The following PKP4 variants were observed in gnomAD, a reference collection of about 807,000 sequenced individuals.
PKP4 encodes the protein plakophilin 4.
A neutral mutation model predicts 145.1 loss-of-function variants in PKP4; 90 were observed. The observed-to-expected ratio is 0.62, with a 90% CI of 0.52 to 0.74. The LOEUF (loss-of-function observed/expected upper bound fraction) is 0.74. PKP4 is among the 30% of genes least tolerant of loss of function. The pLI is 0.00. For synonymous variants in PKP4, 563 were observed against 577.2 expected (o/e 0.98, Z 0.35); for missense variants, 1,340 against 1,482.7 (o/e 0.90, Z 1.58).
At chr2:158,481,570 T>A (rs1373987951) in intron 1 of PKP4, among the ~76,000 whole-genome samples, 1 of 152,240 alleles carries the variant, frequency 6.6e-6, no homozygotes, top group African/African-American at 2.4e-5. Flanking sequence ...CTGTCTTCAA[T>A]TATAGCTTTC....
At chr2:158,626,828 T>A (rs1313633357) in intron 7 of PKP4, among the ~76,000 whole-genome samples, 1 of 152,218 alleles carries the variant, frequency 6.6e-6, no homozygotes, top group African/African-American at 2.4e-5. Flanking sequence ...AGTTCTTTTG[T>A]CTATTTTTAT....
chr2:158,469,985 T>C (rs1559183067), intron 1 of PKP4, among the ~76,000 whole-genome samples: 2 of 152,142 alleles, frequency 1.3e-5, no homozygotes, highest in African/African-American at 2.4e-5. Context: ...CCCTTCGCTC[T>C]GCCCAACTCC....
chr2:158,520,604 T>C (rs1159888865), intron 1 of PKP4, among the ~76,000 whole-genome samples: 2 of 152,224 alleles, frequency 1.3e-5, no homozygotes, highest in Non-Finnish European at 2.9e-5. Context: ...ACATAAAATA[T>C]ACATACAATT....
At chr2:158,633,626 G>T (rs564949075) in intron 8 of PKP4, among the ~76,000 whole-genome samples, 13 of 152,286 alleles carry the variant, frequency 8.5e-5, no homozygotes, top group African/African-American at 3.1e-4. Context: ...CAAAAGATAA[G>T]GATGGACTAC....
In PKP4 at chr2:158,680,893, C is replaced by A; in HGVS notation, c.*216C>A. On this transcript the variant is annotated 3_prime_UTR_variant, in exon 22 of 22. Transcript: ENST00000389759. ...TCTATTTAGGTGTTAGATCTAATTA[C>A]TTATAGATTCTGTAGTCTGGTGAAG... is the stretch of plus-strand genomic sequence containing the variant. 2.0e-6 allele frequency: 1 copy of A among 490,700 alleles called. No homozygotes were observed. Among genetic ancestry groups the A allele is most frequent in the Non-Finnish European group, 3.6e-6 (1 of 280,684 alleles). The allele number at this position is 490,700 out of a possible 1,614,324, so 30.4% of individuals were successfully genotyped here.
chr2:158,624,935 T>A lies in PKP4; in HGVS notation c.661T>A (p.Ser221Thr). The change falls in exon 7 of 22, where the codon TCT becomes ACT. Residue 221 changes from serine (S) to threonine (T), a missense_variant. By Grantham distance (58) the Ser-to-Thr change is moderately conservative. Coordinates refer to ENST00000389759, the MANE Select transcript of PKP4 (RefSeq NM_003628.6). ...RVSSVPSRAQSPSYVISTGVS... is the reference protein window; with the variant it reads ...RVSSVPSRAQTPSYVISTGVS... ...TAGTTCAGTTCCATCTAGAGCACAG[T>A]CTCCTTCTTATGTTATCAGCACAGG... 1 of 1,613,654 alleles carries A rather than the reference T, an allele frequency of 6.2e-7. No homozygotes were observed. Among genetic ancestry groups the A allele is most frequent in the Non-Finnish European group, 8.5e-7 (1 of 1,179,770 alleles).
intron 2 of PKP4, among the ~76,000 whole-genome samples, chr2:158,554,567 A>G (rs1270140605): frequency 6.6e-6 from 1 of 151,882 alleles, no homozygotes. Flanking sequence ...CTGGGACTAC[A>G]GGTGCCCGCC....
At chr2:158,510,494 T>C (rs1418965015) in intron 1 of PKP4, among the ~76,000 whole-genome samples, 1 of 152,210 alleles carries the variant, frequency 6.6e-6, no homozygotes, top group Non-Finnish European at 1.5e-5. Context: ...ACTAGATTGG[T>C]TGGACTAGAG....
At chr2:158,658,029 T>G (rs1297538656) in intron 11 of PKP4, 102 bp from the exon 12 acceptor site, 1 of 730,936 alleles carries the variant, frequency 1.4e-6, no homozygotes, top group African/African-American at 1.8e-5. Context: ...TAGATTAGGT[T>G]TGGAACAGAC....
chr2:158,474,711 G>C (rs1366024306), intron 1 of PKP4, among the ~76,000 whole-genome samples: 1 of 152,022 alleles, frequency 6.6e-6, no homozygotes, highest in Non-Finnish European at 1.5e-5. Flanking sequence ...TAGGAGAGGA[G>C]GATCCAGGCA....
intron 9 of PKP4, among the ~76,000 whole-genome samples, chr2:158,639,944 C>A (rs2054136083): frequency 6.6e-6 from 1 of 152,204 alleles, no homozygotes; most frequent in African/African-American, 2.4e-5. Context: ...TAGTGCCTGA[C>A]ACAGGATAGG....
chr2:158,554,429 A>ATT (rs563557560), intron 2 of PKP4, among the ~76,000 whole-genome samples: 2,929 of 141,186 alleles, frequency 0.021, 43 homozygotes, highest in African/African-American at 0.029. Flanking sequence ...TATTATTATT[A>ATT]TTTTTTTTTT....
At position 158,533,170 on chromosome 2, in the gene PKP4, T is replaced by C. The variant is rs771114604; in HGVS notation, c.-5-10T>C. 6.2e-7 allele frequency: 1 copy of C among 1,606,532 alleles called. No individual in the cohort carries two copies. Among genetic ancestry groups the C allele is most frequent in the Non-Finnish European group, 8.5e-7 (1 of 1,176,966 alleles). On this transcript the variant is annotated splice_polypyrimidine_tract_variant and intron_variant, in intron 1 of 21. Coordinates refer to ENST00000389759, the MANE Select transcript of PKP4 (RefSeq NM_003628.6). ...AAGAAAGTGTTAACCCTTTGCCTGC[T>C]TGATTGCAGGAGGAATGCCAGCTCC...
At chr2:158,576,696 T>C (rs1574573859) in intron 2 of PKP4, among the ~76,000 whole-genome samples, 2 of 152,342 alleles carry the variant, frequency 1.3e-5, no homozygotes, top group Non-Finnish European at 2.9e-5. Context: ...GTTCCTTCTC[T>C]CCTTTGCACA....
chr2:158,551,776 A>G (rs905033763), intron 2 of PKP4, among the ~76,000 whole-genome samples: 3 of 152,218 alleles, frequency 2.0e-5, no homozygotes, highest in African/African-American at 7.2e-5. Flanking sequence ...AAGTGAAAAA[A>G]TCAAAATAAG....
chr2:158,543,865 G>T (rs1210990592), intron 2 of PKP4, among the ~76,000 whole-genome samples: 3 of 152,150 alleles, frequency 2.0e-5, no homozygotes, highest in Non-Finnish European at 4.4e-5. Context: ...GAATTTTGTT[G>T]TTAGAATAAT....
intron 11 of PKP4, among the ~76,000 whole-genome samples, chr2:158,644,218 T>C (rs1287642138): frequency 2.0e-5 from 3 of 152,204 alleles, no homozygotes; most frequent in Admixed American, 6.5e-5. Context: ...GGGAGGCCTA[T>C]GAACAGACCA....
chr2:158,521,240 T>C (rs1244457201), intron 1 of PKP4, among the ~76,000 whole-genome samples: 2 of 152,184 alleles, frequency 1.3e-5, no homozygotes, highest in African/African-American at 4.8e-5. Flanking sequence ...TCACCAAAAT[T>C]TGATACTGTT....
chr2:158,596,822 C>A (rs2049794592), intron 3 of PKP4, among the ~76,000 whole-genome samples: 1 of 152,216 alleles, frequency 6.6e-6, no homozygotes, highest in Middle Eastern at 3.4e-3. Context: ...CCCAAACTGG[C>A]TTATTCCCAA....
Sources: allele counts gnomAD v4.1 joint callset (sites outside exome capture counted in the v4.1 genomes callset), GRCh38; gene constraint gnomAD v4.1.1; transcripts MANE v1.5; gene names NCBI Gene and HGNC (gene_info 2026-07-23, HGNC 2026-07-21).